Variants in PIP4P2 observed in about 807,000 individuals in gnomAD.
The protein encoded by PIP4P2 is phosphatidylinositol-4,5-bisphosphate 4-phosphatase 2, also known as type 2 phosphatidylinositol 4,5-bisphosphate 4-phosphatase.
In PIP4P2, 19 loss-of-function variants were observed where a neutral mutation model predicts 33.3. The ratio of observed to expected loss-of-function variants is 0.57; its 90% confidence interval spans 0.40 to 0.84. The LOEUF is 0.84. Ranked by LOEUF, PIP4P2 falls within the 40% of genes least tolerant of loss-of-function variation. PIP4P2 has a pLI of 0.00. For synonymous variants in PIP4P2, 110 were observed against 111.9 expected (o/e 0.98, Z 0.11); for missense variants, 270 against 324.7 (o/e 0.83, Z 1.29).
Position 91,009,900 on chromosome 8 carries a change from T to C in PIP4P2, c.487-1105A>G, listed in dbSNP as rs566644722. Among the ~76,000 whole-genome samples the C allele has an allele frequency of 3.9e-5, 6 of 151,974 alleles. No homozygotes were observed. The South Asian group carries it at 1.0e-3, about 26-fold the overall frequency. ...CTCGCTTAGTCACAACAGGAACATA[T>C]AGTCCCAAGATAAATAAAAGAGAAA... On this transcript the variant is annotated intron_variant, in intron 4 of 6. Transcript: ENST00000285419.
intron 4 of PIP4P2, among the ~76,000 whole-genome samples, chr8:91,015,596 C>A (rs1006699890): frequency 6.6e-6 from 1 of 152,108 alleles, no homozygotes. Flanking sequence ...AAAGAAATAG[C>A]ACTTGGACAT....
chr8:91,027,836 T>A (rs1484735488), intron 1 of PIP4P2, among the ~76,000 whole-genome samples: 1 of 152,208 alleles, frequency 6.6e-6, no homozygotes, highest in Non-Finnish European at 1.5e-5. Context: ...ATTTATCATA[T>A]GAAACCTGCA....
At chr8:91,016,929 T>C (rs1430045586) in intron 4 of PIP4P2, among the ~76,000 whole-genome samples, 1 of 152,190 alleles carries the variant, frequency 6.6e-6, no homozygotes, top group Non-Finnish European at 1.5e-5. Flanking sequence ...TATTTGTAAG[T>C]CCAAGAAAAT....
At chr8:91,013,435 A>G (rs1811866211) in intron 4 of PIP4P2, among the ~76,000 whole-genome samples, 1 of 152,202 alleles carries the variant, frequency 6.6e-6, no homozygotes, top group African/African-American at 2.4e-5. Context: ...CATATGAAAA[A>G]GAAAATAACA....
At chr8:91,024,881 T>C (rs1019473021) in intron 1 of PIP4P2, among the ~76,000 whole-genome samples, 9 of 152,086 alleles carry the variant, frequency 5.9e-5, no homozygotes, top group African/African-American at 2.2e-4. Context: ...ATGTTAGAAA[T>C]TCAAACAATC....
At chr8:91,037,955 T>A (rs1812253797) in intron 1 of PIP4P2, among the ~76,000 whole-genome samples, 1 of 152,220 alleles carries the variant, frequency 6.6e-6, no homozygotes, top group Non-Finnish European at 1.5e-5. Flanking sequence ...CTCTCTTTAA[T>A]TTTAATTTCT....
intron 4 of PIP4P2, among the ~76,000 whole-genome samples, chr8:91,017,069 G>A (rs1357613146): frequency 6.6e-6 from 1 of 152,192 alleles, no homozygotes; most frequent in African/African-American, 2.4e-5. Context: ...CTGGGAGTAT[G>A]AAAGCAAGGA....
At chr8:91,012,683 A>G (rs1365031850) in intron 4 of PIP4P2, among the ~76,000 whole-genome samples, 1 of 152,160 alleles carries the variant, frequency 6.6e-6, no homozygotes, top group Non-Finnish European at 1.5e-5. Context: ...CTCTGCTAAT[A>G]TGATAATATG....
intron 5 of PIP4P2, among the ~76,000 whole-genome samples, chr8:91,006,922 T>A (rs779668977): frequency 1.6e-4 from 25 of 152,200 alleles, no homozygotes; most frequent in Non-Finnish European, 2.4e-4. Flanking sequence ...TAAGCTGAGA[T>A]CGTGCCAGTG....
chr8:91,040,793 C>T lies in PIP4P2; in HGVS notation c.-44G>A, dbSNP rs1214010904. The T allele has an allele frequency of 6.3e-7, 1 of 1,577,882 alleles. No homozygotes were observed. Among genetic ancestry groups the T allele is most frequent in the Admixed American group, 1.7e-5 (1 of 58,740 alleles). ...GCCTGGGGAGGCCGAGCCGGGGTTG[C>T]GGCCTCGGCGGAGTGGTGGCTACTG... On this transcript the variant is annotated 5_prime_UTR_variant, in exon 1 of 7. Coordinates refer to ENST00000285419, the MANE Select transcript of PIP4P2 (RefSeq NM_018710.3).
At chr8:91,037,338 T>C (rs1404602602) in intron 1 of PIP4P2, among the ~76,000 whole-genome samples, 1 of 152,216 alleles carries the variant, frequency 6.6e-6, no homozygotes, top group Admixed American at 6.5e-5. Flanking sequence ...ACCCTGCTGA[T>C]CACTTTGCCA....
chr8:91,016,696 C>G (rs911448203), intron 4 of PIP4P2: 4 of 152,090 alleles, frequency 2.6e-5, no homozygotes, highest in Admixed American at 2.6e-4. Context: ...AAGGAATAAA[C>G]TAAGAACTCT....
Position 90,996,641 on chromosome 8 carries a change from G to A in PIP4P2, c.630+13C>T. ...GAGAGGACAGAATTCTAACATCAAA[G>A]TGTAACACTCACAGTTAACCCAACT... is the stretch of plus-strand genomic sequence containing the variant. On this transcript the variant is annotated intron_variant, in intron 6 of 6. Transcript: ENST00000285419. 3.1e-6 allele frequency: 5 copies of A among 1,597,430 alleles called. No individual in the cohort carries two copies. Among genetic ancestry groups the A allele is most frequent in the Non-Finnish European group, 4.3e-6 (5 of 1,169,726 alleles).
rs114295455 is a variant in PIP4P2, at chr8:91,011,553, A to G, written c.487-2758T>C. 1.7e-3 allele frequency among the ~76,000 whole-genome samples: 259 copies of G among 152,136 alleles called. 1 individual carries two copies. The highest frequency in any genetic ancestry group is 6.1e-3 in the African/African-American group (252 of 41,562). On this transcript the variant is annotated intron_variant, in intron 4 of 6. Coordinates refer to ENST00000285419, the MANE Select transcript of PIP4P2 (RefSeq NM_018710.3). Reference sequence around the variant, plus strand: ...AAAAACTCCCTCTTAAATATATACAATGGTATATGCTAAAACTGCTAAAGA... The same window carrying G: ...AAAAACTCCCTCTTAAATATATACAGTGGTATATGCTAAAACTGCTAAAGA...
At chr8:91,021,550 CT>C in intron 1 of PIP4P2, 146 bp from the exon 2 acceptor site, 2 of 863,912 alleles carry the variant, frequency 2.3e-6, no homozygotes, top group Non-Finnish European at 3.4e-6. Context: ...ATTTATCTTA[CT>C]TTTAGAGCAC....
chr8:91,016,253 T>C (rs544362739), intron 4 of PIP4P2, among the ~76,000 whole-genome samples: 18 of 152,066 alleles, frequency 1.2e-4, no homozygotes, highest in African/African-American at 4.3e-4. Flanking sequence ...TAAATTAAGA[T>C]GAGGAGATAT....
At chr8:91,023,279 A>G (rs1812036395) in intron 1 of PIP4P2, among the ~76,000 whole-genome samples, 1 of 151,764 alleles carries the variant, frequency 6.6e-6, no homozygotes, top group South Asian at 2.1e-4. Flanking sequence ...GTAACATTAC[A>G]TAGTTCTCTC....
chr8:90,996,775 T>A (rs924380101), intron 5 of PIP4P2, 31 bp from the exon 6 acceptor site: 67 of 1,533,852 alleles, frequency 4.4e-5, no homozygotes, highest in Non-Finnish European at 5.8e-5. Flanking sequence ...AAGAGAACAT[T>A]AAGTATTTAC....
chr8:91,019,107 G>A (rs748869457), intron 3 of PIP4P2, among the ~76,000 whole-genome samples: 4 of 151,944 alleles, frequency 2.6e-5, no homozygotes, highest in Non-Finnish European at 5.9e-5. Flanking sequence ...TTATATACTT[G>A]TATCTGGGGA....
Sources: gnomAD v4.1 joint callset for allele counts (sites outside exome capture counted in the v4.1 genomes callset) on GRCh38, gnomAD v4.1.1 for gene constraint, MANE v1.5 for transcripts, NCBI Gene and HGNC (gene_info 2026-07-23, HGNC 2026-07-21) for gene names.